URB2: variants seen among roughly 807,000 people sequenced by gnomAD.
URB2 encodes the protein URB2 ribosome biogenesis homolog, also known as unhealthy ribosome biogenesis protein 2 homolog.
URB2 carries 86 observed loss-of-function variants against 120.9 expected under a neutral mutation model. That is an observed-to-expected ratio of 0.71 (90% CI 0.60 to 0.85). URB2 has a LOEUF of 0.85. Ranked by LOEUF, URB2 falls within the 40% of genes least tolerant of loss-of-function variation. The pLI, the probability that URB2 is intolerant of heterozygous loss-of-function variation, is 0.00. For synonymous variants in URB2, 755 were observed against 758.4 expected, an observed-to-expected ratio of 1.00 and a Z score of 0.07; for missense variants, 1,765 against 1,836.5, an observed-to-expected ratio of 0.96 and a Z score of 0.71.
chr1:229,648,978 T>C (rs10799544), intron 7 of URB2, among the ~76,000 whole-genome samples: 81,027 of 152,054 alleles, frequency 0.53, 21,812 homozygotes, highest in East Asian at 0.77. Flanking sequence ...CTGTACAACA[T>C]GTGACTAATG....
intron 5 of URB2, 49 bp downstream of exon 5, chr1:229,643,742 C>G: frequency 4.4e-6 from 7 of 1,584,548 alleles, no homozygotes; most frequent in Non-Finnish European, 5.1e-6. Flanking sequence ...ACCACGTCGG[C>G]TCAAATGGGA....
intron 7 of URB2, among the ~76,000 whole-genome samples, chr1:229,649,172 T>C (rs953687275): frequency 2.0e-5 from 3 of 152,222 alleles, no homozygotes; most frequent in Non-Finnish European, 4.4e-5. Flanking sequence ...TCAGATACTT[T>C]TAAGTGTTTT....
At chr1:229,633,935 G>T (rs1400122558) in intron 3 of URB2, among the ~76,000 whole-genome samples, 1 of 150,620 alleles carries the variant, frequency 6.6e-6, no homozygotes, top group African/African-American at 2.4e-5. Context: ...GGGTTCAAGC[G>T]ATTCTTGTGC....
chr1:229,636,818 C>T lies in URB2; in HGVS notation c.2205C>T (p.Tyr735=), dbSNP rs762858468. 6.2e-7 allele frequency: 1 copy of T among 1,612,038 alleles called. No homozygotes were observed. The highest frequency in any genetic ancestry group is 1.1e-5 in the South Asian group (1 of 91,008). The change falls in exon 4 of 10, where the codon TAC becomes TAT. Residue 735 remains tyrosine (Y), a synonymous_variant. Transcript: ENST00000258243. The stretch of plus-strand genomic sequence containing the variant: ...TTGGGATGGTGAGTGGACTCACATA[C>T]CCTGTAGCACACTGGCACTTGATTG... The part of the protein sequence containing the change: ...GQVGMVSGLT[Y]PVAHWHLIVS...
rs1418411107 is a variant in URB2 at position 229,654,341 on chromosome 1, G to A, written c.4330G>A (p.Val1444Met). 1.9e-6 allele frequency: 3 copies of A among 1,614,082 alleles called. No homozygotes were observed. Among genetic ancestry groups the A allele is most frequent in the Admixed American group, 3.3e-5 (2 of 59,994 alleles). ...CGCCGCACGAGCTGAGGAGTTTGCT[G>A]TGTTTTCCCCATTTATGGTGGCCCA... ...HIAARAEEFA[V>M]FSPFMVAQYV... Residue 1444 changes from valine to methionine, a missense_variant, in exon 9 of 10, where the codon GTG becomes ATG. By Grantham distance (21) the Val-to-Met change is conservative. Coordinates refer to ENST00000258243, the MANE Select transcript of URB2 (RefSeq NM_014777.4).
Position 229,637,134 on chromosome 1 carries a change from C to CTT in URB2, c.2525_2526dup (p.Glu843LeufsTer23). On this transcript the variant is annotated frameshift_variant, in exon 4 of 10. Transcript: ENST00000258243. LOFTEE classifies it high-confidence loss of function. ...TCTTGTCAGTCAGCAGCTTCCCTGGCTTTTTGAAAAGGACCACATGGTTGT... is the reference window on the plus strand; with the variant it reads ...TCTTGTCAGTCAGCAGCTTCCCTGGCTTTTTTTGAAAAGGACCACATGGTTGT... The CTT allele has an allele frequency of 6.2e-7, 1 of 1,613,058 alleles. No homozygotes were observed. Among genetic ancestry groups the CTT allele is most frequent in the Non-Finnish European group, 8.5e-7 (1 of 1,179,362 alleles).
At chr1:229,646,974 G>T (rs1038944302) in intron 6 of URB2, among the ~76,000 whole-genome samples, 1 of 152,194 alleles carries the variant, frequency 6.6e-6, no homozygotes, top group African/African-American at 2.4e-5. Flanking sequence ...CATCCGTGTT[G>T]GTGGATGGCA....
chr1:229,653,476 A>G (rs1004939683), intron 8 of URB2, among the ~76,000 whole-genome samples: 1 of 152,058 alleles, frequency 6.6e-6, no homozygotes, highest in Non-Finnish European at 1.5e-5. Flanking sequence ...CCAGTCACCC[A>G]TCTGCTTTTT....
At chr1:229,656,635 G>A (rs1400642482) in intron 9 of URB2, among the ~76,000 whole-genome samples, 4 of 152,220 alleles carry the variant, frequency 2.6e-5, no homozygotes, top group Non-Finnish European at 5.9e-5. Flanking sequence ...ATGCTAAATA[G>A]ATCTCCTTTG....
At position 229,645,921 on chromosome 1, in the gene URB2, A is replaced by G; in HGVS notation, c.3858A>G (p.Lys1286=). ...LLLNCPLSGE[K]ASLLWRACPQ... ...TGAACTGCCCACTCAGTGGAGAGAA[A>G]GCAAGTCTGTTGTGGCGTGCGTGTC... Residue 1286 remains lysine (K), a synonymous_variant, in exon 6 of 10, where the codon AAA becomes AAG. Transcript: ENST00000258243. 1 of 1,614,234 alleles carries G rather than the reference A, an allele frequency of 6.2e-7. No individual in the cohort carries two copies. The highest frequency in any genetic ancestry group is 1.7e-5 in the Admixed American group (1 of 60,032).
chr1:229,656,098 G>A (rs1283862625), intron 9 of URB2, among the ~76,000 whole-genome samples: 1 of 152,160 alleles, frequency 6.6e-6, no homozygotes. Context: ...ACCCCTTCAC[G>A]TTGTCCTTTG....
chr1:229,629,680 G>A (rs1029527947), intron 2 of URB2, among the ~76,000 whole-genome samples: 1 of 152,180 alleles, frequency 6.6e-6, no homozygotes, highest in Non-Finnish European at 1.5e-5. Context: ...GATGATCTGG[G>A]TAGTGATTGC....
Position 229,636,817 on chromosome 1 carries a change from ACC to A in URB2, c.2206_2207del (p.Pro736CysfsTer22). The A allele has an allele frequency of 6.2e-7, 1 of 1,611,776 alleles. No homozygotes were observed. The highest frequency in any genetic ancestry group is 8.5e-7 in the Non-Finnish European group (1 of 1,178,192). On this transcript the variant is annotated frameshift_variant, in exon 4 of 10. Transcript: ENST00000258243. LOFTEE classifies it high-confidence loss of function. ...GTTGGGATGGTGAGTGGACTCACAT[ACC>A]CTGTAGCACACTGGCACTTGATTGT...
chr1:229,640,910 A>G (rs567647128), intron 4 of URB2, among the ~76,000 whole-genome samples: 20 of 152,166 alleles, frequency 1.3e-4, no homozygotes, highest in Non-Finnish European at 2.2e-4. Context: ...GGCCCAAGAA[A>G]TGGCAGCTGG....
rs1666302783 is a variant in URB2, at chr1:229,652,446, C to T, written c.4237+1124C>T. On this transcript the variant is annotated intron_variant, in intron 8 of 9. Coordinates refer to ENST00000258243, the MANE Select transcript of URB2 (RefSeq NM_014777.4). ...TGTGGTTCAGTTTTGTAGACCTAAGCAATAGGCTTTTAACCAGACATCTTT... is the reference window on the plus strand; with the variant it reads ...TGTGGTTCAGTTTTGTAGACCTAAGTAATAGGCTTTTAACCAGACATCTTT... 2.6e-5 allele frequency among the ~76,000 whole-genome samples: 4 copies of T among 152,226 alleles called. No homozygotes were observed. In the South Asian group the frequency reaches 8.3e-4, roughly 32 times the overall value.
chr1:229,636,687 C>T lies in URB2; in HGVS notation c.2074C>T (p.Arg692Trp), dbSNP rs540856421. The change falls in exon 4 of 10, where the codon CGG (arginine) becomes TGG (tryptophan). Residue 692 changes from arginine to tryptophan, a missense_variant. By Grantham distance (101) the Arg-to-Trp change is moderately radical (BLOSUM62 -3). Transcript: ENST00000258243. ...AAGGACTTTAATGCAAACTAGTTTCCGGTCTGAAGGAGCCATCCAAAGTTT... is the reference window on the plus strand; with the variant it reads ...AAGGACTTTAATGCAAACTAGTTTCTGGTCTGAAGGAGCCATCCAAAGTTT... ...MKRTLMQTSF[R>W]SEGAIQSLRC... 130 of 1,614,138 alleles carry T rather than the reference C, an allele frequency of 8.1e-5. 1 individual carries two copies. The highest frequency in any genetic ancestry group is 7.1e-4 in the South Asian group (65 of 91,066).
rs773378386 is a variant in URB2, at chr1:229,637,292, C to G, written c.2679C>G (p.Ser893Arg). 2 of 1,614,198 alleles carry G rather than the reference C, an allele frequency of 1.2e-6. No homozygotes were observed. The highest frequency in any genetic ancestry group is 2.2e-5 in the South Asian group (2 of 91,082). ...PIQLEGEQLESILGLLEVISA... is the reference protein window; with the variant it reads ...PIQLEGEQLERILGLLEVISA... ...AGCTGGAGGGAGAGCAGTTGGAAAG[C>G]ATCCTGGGGCTTTTGGAAGTGATTT... is the stretch of plus-strand genomic sequence containing the variant. Residue 893 changes from serine (S) to arginine (R), a missense_variant, in exon 4 of 10, where the codon AGC becomes AGG. Transcript: ENST00000258243.
Position 229,636,334 on chromosome 1 carries a change from GGAT to G in URB2, c.1727_1729del (p.Met576del). The G allele has an allele frequency of 6.2e-7, 1 of 1,614,234 alleles. No homozygotes were observed. Among genetic ancestry groups the G allele is most frequent in the Non-Finnish European group, 8.5e-7 (1 of 1,180,026 alleles). On this transcript the variant is annotated inframe_deletion, in exon 4 of 10. Coordinates refer to ENST00000258243, the MANE Select transcript of URB2 (RefSeq NM_014777.4). ...AGACGGACACAGTGCATGATGGAGA[GGAT>G]GATGAGGGAGCTCGTGCAGCCCCTG...
chr1:229,647,501 G>A lies in URB2; in HGVS notation c.3907-9G>A. On this transcript the variant is annotated splice_polypyrimidine_tract_variant and intron_variant, in intron 6 of 9. Transcript: ENST00000258243. ...TTTCATTTTTCCTTTATTTTATTTT[G>A]CCCTTTAGCTCTTAAACCGAGAAGC... 1 of 1,609,334 alleles carries A rather than the reference G, an allele frequency of 6.2e-7. No individual in the cohort carries two copies. Among genetic ancestry groups the A allele is most frequent in the Non-Finnish European group, 8.5e-7 (1 of 1,176,404 alleles).
Sources: allele counts gnomAD v4.1 joint callset (sites outside exome capture counted in the v4.1 genomes callset), GRCh38; gene constraint gnomAD v4.1.1; transcripts MANE v1.5; gene names NCBI Gene and HGNC (gene_info 2026-07-23, HGNC 2026-07-21).